AQP11: variants seen among roughly 807,000 people sequenced by gnomAD.
AQP11 encodes the protein aquaporin 11.
Under a neutral mutation model 21.1 loss-of-function variants are expected in AQP11, and 20 were observed. The observed-to-expected ratio is 0.95, with a 90% CI of 0.67 to 1.38. The LOEUF (loss-of-function observed/expected upper bound fraction) is 1.38. AQP11 is among the 40% of genes most tolerant of loss of function. The pLI is 0.00. For missense variants in AQP11, 339 were observed against 340.4 expected (o/e 1.00, Z 0.03); for synonymous variants, 167 against 150.1 (o/e 1.11, Z -0.82).
At chr11:77,600,514 T>C (rs895038728) in intron 1 of AQP11, among the ~76,000 whole-genome samples, 2 of 152,198 alleles carry the variant, frequency 1.3e-5, no homozygotes, top group African/African-American at 4.8e-5. Context: ...ATTTATGACA[T>C]GGAAGATACA....
intron 1 of AQP11, among the ~76,000 whole-genome samples, chr11:77,598,564 T>TA (rs144037763): frequency 0.015 from 2,281 of 152,314 alleles, 57 homozygotes; most frequent in African/African-American, 0.051. Context: ...GTTCTCTATG[T>TA]AAAAAATTCA....
chr11:77,593,308 G>C (rs1958759372), intron 1 of AQP11, among the ~76,000 whole-genome samples: 1 of 152,230 alleles, frequency 6.6e-6, no homozygotes, highest in African/African-American at 2.4e-5. Flanking sequence ...CATTTTGCAA[G>C]GAAATTTATG....
chr11:77,603,341 GGT>G (rs1298871533), intron 1 of AQP11, among the ~76,000 whole-genome samples: 1 of 152,002 alleles, frequency 6.6e-6, no homozygotes, highest in Non-Finnish European at 1.5e-5. Flanking sequence ...AAAAGCACTG[GGT>G]TCAAACTTTA....
chr11:77,590,947 A>G (rs963991463), intron 1 of AQP11: 1 of 985,342 alleles, frequency 1.0e-6, no homozygotes, highest in African/African-American at 1.7e-5. Context: ...TCTTCATGCC[A>G]AGGTGGTATA....
intron 1 of AQP11, among the ~76,000 whole-genome samples, chr11:77,591,562 C>A (rs1280128425): frequency 6.6e-6 from 1 of 152,168 alleles, no homozygotes; most frequent in Admixed American, 6.5e-5. Context: ...CGTACTTGAC[C>A]TTCTAGGGTA....
intron 2 of AQP11, among the ~76,000 whole-genome samples, chr11:77,607,073 G>A (rs1374829242): frequency 2.0e-5 from 3 of 152,084 alleles, no homozygotes; most frequent in Non-Finnish European, 2.9e-5. Context: ...TGAGGTTTAT[G>A]AATGAGAATA....
At chr11:77,606,778 A>G (rs1958849193) in intron 2 of AQP11, among the ~76,000 whole-genome samples, 1 of 152,124 alleles carries the variant, frequency 6.6e-6, no homozygotes, top group Non-Finnish European at 1.5e-5. Flanking sequence ...TGTATTTTTT[A>G]TAGAAACGGG....
chr11:77,599,038 C>T (rs1590784465), intron 1 of AQP11, among the ~76,000 whole-genome samples: 2 of 152,188 alleles, frequency 1.3e-5, no homozygotes, highest in South Asian at 2.1e-4. Context: ...TGCAGCACCA[C>T]GCCTGGTTAA....
chr11:77,596,564 G>GTA (rs60489701), intron 1 of AQP11, among the ~76,000 whole-genome samples: 1 of 81,438 alleles, frequency 1.2e-5, no homozygotes, highest in African/African-American at 4.4e-5. Flanking sequence ...ATATATATAT[G>GTA]TATGTAATGG....
At chr11:77,597,667 C>G (rs1180593581) in intron 1 of AQP11, among the ~76,000 whole-genome samples, 1 of 152,156 alleles carries the variant, frequency 6.6e-6, no homozygotes, top group Non-Finnish European at 1.5e-5. Context: ...GAGATGCAAA[C>G]TTTGAAATTA....
Position 77,590,054 on chromosome 11 carries a change from T to C in AQP11, c.62T>C (p.Met21Thr). 6.3e-7 allele frequency: 1 copy of C among 1,596,370 alleles called. No individual in the cohort carries two copies. The highest frequency in any genetic ancestry group is 2.2e-5 in the East Asian group (1 of 44,630). Residue 21 changes from methionine (M) to threonine (T), a missense_variant, in exon 1 of 3, where the codon ATG becomes ACG. Coordinates refer to ENST00000313578, the MANE Select transcript of AQP11 (RefSeq NM_173039.3). ...LQDTCTSLGLMLSVVLLMGLA... is the reference protein window; with the variant it reads ...LQDTCTSLGLTLSVVLLMGLA... The stretch of plus-strand genomic sequence containing the variant: ...GACACCTGCACCTCGCTGGGACTGA[T>C]GCTGTCGGTGGTGCTGCTCATGGGG...
In AQP11 at chr11:77,609,404, C is replaced by T. The variant is rs1375274993; in HGVS notation, c.*27C>T. 6.5e-7 allele frequency: 1 copy of T among 1,547,512 alleles called. No individual in the cohort carries two copies. Reference sequence around the variant, plus strand: ...TGTTCCAAAGACTCAGACTAACATACAGGACAGTCCAGCTGGATGTGATAA... The same window carrying T: ...TGTTCCAAAGACTCAGACTAACATATAGGACAGTCCAGCTGGATGTGATAA... On this transcript the variant is annotated 3_prime_UTR_variant, in exon 3 of 3. Coordinates refer to ENST00000313578, the MANE Select transcript of AQP11 (RefSeq NM_173039.3).
Position 77,590,447 on chromosome 11 carries a change from G to T in AQP11, c.455G>T (p.Ser152Ile), listed in dbSNP as rs141340501. 1 of 1,614,086 alleles carries T rather than the reference G, an allele frequency of 6.2e-7. No individual in the cohort carries two copies. Among genetic ancestry groups the T allele is most frequent in the Non-Finnish European group, 8.5e-7 (1 of 1,180,028 alleles). ...ACCCAGTATCACGTCAGCGAGAGGA[G>T]CTTCGCTTGCAAGAATCCCATCCGA... ...GLTQYHVSER[S>I]FACKNPIRVD... The change falls in exon 1 of 3, where the codon AGC (serine) becomes ATC (isoleucine). Residue 152 changes from serine to isoleucine, a missense_variant. Ser to Ile is a moderately radical substitution (Grantham distance 142). Transcript: ENST00000313578.
rs112144854 is a variant in AQP11, at chr11:77,598,521, A to G, written c.620-5035A>G. Among the ~76,000 whole-genome samples, 1,350 of 152,352 alleles carry G rather than the reference A, an allele frequency of 8.9e-3. 19 individuals carry two copies. Among genetic ancestry groups the G allele is most frequent in the African/African-American group, 0.03 (1,237 of 41,576 alleles). On this transcript the variant is annotated intron_variant, in intron 1 of 2. Transcript: ENST00000313578. The stretch of plus-strand genomic sequence containing the variant: ...TCCATGCCTGATGATTCTTTAAAAA[A>G]TAATTCATTTTTAATTACACAATAC...
chr11:77,602,641 C>T lies in AQP11; in HGVS notation c.620-915C>T, dbSNP rs75206581. On this transcript the variant is annotated intron_variant, in intron 1 of 2. Transcript: ENST00000313578. ...CATCTCAACACAGCTTCATTGTTCT[C>T]GGCCTATTCAAGTGTGAAATCTCAG... 1.5e-4 allele frequency among the ~76,000 whole-genome samples: 23 copies of T among 152,318 alleles called. No individual in the cohort carries two copies. In the East Asian group the frequency reaches 4.0e-3, roughly 27 times the overall value.
intron 2 of AQP11, among the ~76,000 whole-genome samples, chr11:77,604,737 C>T (rs1361120051): frequency 1.3e-5 from 2 of 152,088 alleles, no homozygotes; most frequent in Admixed American, 6.5e-5. Context: ...TTGTTATGCT[C>T]AATATCATAT....
intron 2 of AQP11, among the ~76,000 whole-genome samples, chr11:77,604,147 T>A (rs138692124): frequency 6.6e-6 from 1 of 152,310 alleles, no homozygotes; most frequent in Non-Finnish European, 1.5e-5. Flanking sequence ...GGTCTCTCTT[T>A]GTCACCCAGG....
In AQP11 at chr11:77,608,521, G is replaced by A. The variant is rs192349334; in HGVS notation, c.737-777G>A. 8.5e-5 allele frequency among the ~76,000 whole-genome samples: 13 copies of A among 152,276 alleles called. No individual in the cohort carries two copies. In the East Asian group the frequency reaches 2.5e-3, roughly 29 times the overall value. On this transcript the variant is annotated intron_variant, in intron 2 of 2. Coordinates refer to ENST00000313578, the MANE Select transcript of AQP11 (RefSeq NM_173039.3). ...CCATCTACTCAGGAGGCTGAGGCAGGAGAATCGCTTGAACCTGGCAGGGAG... is the reference window on the plus strand; with the variant it reads ...CCATCTACTCAGGAGGCTGAGGCAGAAGAATCGCTTGAACCTGGCAGGGAG...
intron 1 of AQP11, among the ~76,000 whole-genome samples, chr11:77,596,413 C>T (rs1025274439): frequency 6.2e-5 from 9 of 145,696 alleles, no homozygotes; most frequent in African/African-American, 2.1e-4. Context: ...TGCACTCCAG[C>T]CTGGGCAACA....
Sources: allele counts gnomAD v4.1 joint callset (sites outside exome capture counted in the v4.1 genomes callset), GRCh38; gene constraint gnomAD v4.1.1; transcripts MANE v1.5; gene names NCBI Gene and HGNC (gene_info 2026-07-23, HGNC 2026-07-21).